Variants in TET1 observed in about 807,000 individuals in gnomAD.
The protein encoded by TET1 is tet methylcytosine dioxygenase 1, also known as methylcytosine dioxygenase TET1.
TET1 carries 13 observed loss-of-function variants against 148.7 expected under a neutral mutation model. That is an observed-to-expected ratio of 0.09 (90% CI 0.06 to 0.14). The LOEUF (loss-of-function observed/expected upper bound fraction) is 0.14. TET1 is among the 10% of genes least tolerant of loss of function. TET1 has a pLI of 1.00. For synonymous variants in TET1, 907 were observed against 937.2 expected (o/e 0.97, Z 0.59); for missense variants, 2,182 against 2,553.8 (o/e 0.85, Z 3.14).
chr10:68,666,550 G>T (rs2055198434), intron 6 of TET1, among the ~76,000 whole-genome samples: 1 of 152,156 alleles, frequency 6.6e-6, no homozygotes, highest in African/African-American at 2.4e-5. Context: ...GAATTTCAGT[G>T]CAGTTTTCTA....
At position 68,624,136 on chromosome 10, in the gene TET1, G is replaced by A. The variant is rs2054415988; in HGVS notation, c.1969-20562G>A. Among the ~76,000 whole-genome samples the A allele has an allele frequency of 2.1e-5, 3 of 143,530 alleles. No individual in the cohort carries two copies. In the Admixed American group the frequency reaches 2.2e-4, roughly 11 times the overall value. 94.2% of individuals were successfully genotyped at this position (143,530 alleles called of 152,430 possible). A position where few individuals can be genotyped will look rare whatever the true frequency, so the allele number is the denominator to read the frequency against. ...TTTTGAAATGGAGTCTCGATCTGTT[G>A]CCCAGGCTGGAGTGCAGTGTCGCAA... On this transcript the variant is annotated intron_variant, in intron 3 of 11. Transcript: ENST00000373644.
intron 2 of TET1, among the ~76,000 whole-genome samples, chr10:68,585,454 T>C (rs1345570491): frequency 3.3e-5 from 5 of 152,144 alleles, no homozygotes; most frequent in African/African-American, 7.2e-5. Flanking sequence ...AGAACGAATT[T>C]GATCCTAGTT....
At chr10:68,582,673 G>A (rs1220135409) in intron 2 of TET1, among the ~76,000 whole-genome samples, 1 of 152,070 alleles carries the variant, frequency 6.6e-6, no homozygotes, top group African/African-American at 2.4e-5. Context: ...GTGGCAGTGG[G>A]GGTGGGGCTA....
intron 1 of TET1, among the ~76,000 whole-genome samples, chr10:68,568,850 C>T (rs966715877): frequency 6.8e-6 from 1 of 147,594 alleles, no homozygotes; most frequent in African/African-American, 2.5e-5. Context: ...GACCCTGTCT[C>T]AAAAAAAAAG....
At chr10:68,682,624 A>T (rs2055452046) in intron 9 of TET1, among the ~76,000 whole-genome samples, 2 of 152,216 alleles carry the variant, frequency 1.3e-5, no homozygotes, top group South Asian at 4.1e-4. Context: ...TTCCCTTGTA[A>T]ATTCAGTGAT....
rs1313562733 is a variant in TET1, at chr10:68,681,626, C to T, written c.4914+138C>T. On this transcript the variant is annotated intron_variant, in intron 9 of 11. Coordinates refer to ENST00000373644, the MANE Select transcript of TET1 (RefSeq NM_030625.3). ...TCAAGCAATGCTCCTGCCTCACCCT[C>T]CAAAAATGCTGGGATTACAGATATG... 4 of 535,248 alleles carry T rather than the reference C, an allele frequency of 7.5e-6. No homozygotes were observed. In the East Asian group the frequency reaches 9.5e-5, roughly 13 times the overall value. 33.2% of individuals were successfully genotyped at this position (535,248 alleles called of 1,614,324 possible).
intron 3 of TET1, among the ~76,000 whole-genome samples, chr10:68,624,653 T>TC (rs2054438123): frequency 1.0e-4 from 6 of 59,210 alleles, no homozygotes; most frequent in East Asian, 7.6e-4. Context: ...TCTTTCTTTC[T>TC]TTCTTTCTCT....
At chr10:68,595,753 G>A (rs1371649962) in intron 2 of TET1, among the ~76,000 whole-genome samples, 2 of 146,686 alleles carry the variant, frequency 1.4e-5, no homozygotes, top group East Asian at 2.0e-4. Context: ...AGGTACCTGG[G>A]ATTACAGGCA....
At position 68,570,833 on chromosome 10, in the gene TET1, C is replaced by T. The variant is rs191502867; in HGVS notation, c.-122-1384C>T. ...TATTTTTAGTAAAGATGGGGTTTCA[C>T]CGTGTTAGGCAGGATGGTCTCGATC... On this transcript the variant is annotated intron_variant, in intron 1 of 11. Coordinates refer to ENST00000373644, the MANE Select transcript of TET1 (RefSeq NM_030625.3). Among the ~76,000 whole-genome samples, 151 of 151,240 alleles carry T rather than the reference C, an allele frequency of 1.0e-3. 1 individual carries two copies. The highest frequency in any genetic ancestry group is 3.4e-3 in the Middle Eastern group (1 of 294).
At chr10:68,591,779 T>C (rs2053921750) in intron 2 of TET1, among the ~76,000 whole-genome samples, 1 of 152,070 alleles carries the variant, frequency 6.6e-6, no homozygotes, top group South Asian at 2.1e-4. Flanking sequence ...GGTGGGCACC[T>C]GTAGTCCCAG....
intron 3 of TET1, among the ~76,000 whole-genome samples, chr10:68,602,197 G>C (rs1201097808): frequency 6.6e-6 from 1 of 152,226 alleles, no homozygotes; most frequent in Non-Finnish European, 1.5e-5. Context: ...GAATGAAATT[G>C]CTTGACACAA....
At chr10:68,640,948 ATATT>A (rs1198443067) in intron 3 of TET1, among the ~76,000 whole-genome samples, 1 of 151,596 alleles carries the variant, frequency 6.6e-6, no homozygotes, top group African/African-American at 2.4e-5. Flanking sequence ...GTAAATAAAA[ATATT>A]TATGTAATAT....
intron 1 of TET1, among the ~76,000 whole-genome samples, chr10:68,562,446 G>A (rs762238986): frequency 2.0e-5 from 3 of 152,120 alleles, no homozygotes; most frequent in Non-Finnish European, 2.9e-5. Flanking sequence ...AAAAGACTTA[G>A]GTGGCTTTTG....
intron 3 of TET1, among the ~76,000 whole-genome samples, chr10:68,615,356 C>CTTTTCTTTTTTT (rs138957422): frequency 0.012 from 1,697 of 145,322 alleles, 28 homozygotes; most frequent in African/African-American, 0.025. Context: ...CTTTTCTTTT[C>CTTTTCTTTTTTT]TTTTTTTGAG....
chr10:68,578,972 G>A (rs900326342), intron 2 of TET1, among the ~76,000 whole-genome samples: 3 of 152,030 alleles, frequency 2.0e-5, no homozygotes, highest in East Asian at 1.9e-4. Context: ...AGCTATGATC[G>A]CGCCACTGCA....
chr10:68,581,855 G>A (rs902344694), intron 2 of TET1, among the ~76,000 whole-genome samples: 1 of 150,708 alleles, frequency 6.6e-6, no homozygotes, highest in Admixed American at 6.6e-5. Flanking sequence ...AAAAAGGAAA[G>A]CAATCTAAAG....
rs375036536 is a variant in TET1, at chr10:68,689,463, G to A, written c.5405-1345G>A. ...CATGCCTGTAATCCCATCACTTTGG[G>A]AGGCAGAGGCGGGCGGATCATGAGG... On this transcript the variant is annotated intron_variant, in intron 11 of 11. Coordinates refer to ENST00000373644, the MANE Select transcript of TET1 (RefSeq NM_030625.3). Among the ~76,000 whole-genome samples, 10 of 152,174 alleles carry A rather than the reference G, an allele frequency of 6.6e-5. 2 individuals are homozygous for A. The highest frequency in any genetic ancestry group is 2.0e-4 in the Admixed American group (3 of 15,274).
At chr10:68,567,878 C>T (rs903692655) in intron 1 of TET1, among the ~76,000 whole-genome samples, 2 of 152,194 alleles carry the variant, frequency 1.3e-5, no homozygotes, top group East Asian at 1.9e-4. Flanking sequence ...TACCAACAAC[C>T]GTTTTCCTAC....
chr10:68,675,762 G>A (rs189171727), intron 8 of TET1, among the ~76,000 whole-genome samples: 596 of 151,972 alleles, frequency 3.9e-3, no homozygotes, highest in Non-Finnish European at 6.9e-3. Context: ...GCCCTCTCTG[G>A]CTGTTCAAGG....
Sources: allele counts gnomAD v4.1 joint callset (sites outside exome capture counted in the v4.1 genomes callset), GRCh38; gene constraint gnomAD v4.1.1; transcripts MANE v1.5; gene names NCBI Gene and HGNC (gene_info 2026-07-23, HGNC 2026-07-21).